Variants in ARSK observed in about 807,000 individuals in gnomAD.
ARSK encodes the protein arylsulfatase family member K.
ARSK carries 37 observed loss-of-function variants against 53.2 expected under a neutral mutation model. That is an observed-to-expected ratio of 0.70 (90% CI 0.54 to 0.92). The LOEUF is 0.92. Ranked by LOEUF, ARSK falls within the 40% of genes least tolerant of loss-of-function variation. ARSK has a pLI of 0.00. For synonymous variants in ARSK, 208 were observed against 223.2 expected (o/e 0.93, Z 0.61); for missense variants, 613 against 643.0 (o/e 0.95, Z 0.51).
chr5:95,565,846 T>C, intron 1 of ARSK, 152 bp from the exon 2 acceptor site: 1 of 692,310 alleles, frequency 1.4e-6, no homozygotes. Context: ...TACCAGATAC[T>C]GGAAACACCC....
chr5:95,600,951 C>G lies in ARSK; in HGVS notation c.1201C>G (p.Pro401Ala), dbSNP rs1470763874. 6.2e-7 allele frequency: 1 copy of G among 1,614,082 alleles called. No homozygotes were observed. Among genetic ancestry groups the G allele is most frequent in the Admixed American group, 1.7e-5 (1 of 60,010 alleles). The change falls in exon 7 of 8, where the codon CCC becomes GCC. Residue 401 changes from proline to alanine, a missense_variant. Physicochemically the swap from Pro to Ala is conservative, Grantham distance 27. Coordinates refer to ENST00000380009, the MANE Select transcript of ARSK (RefSeq NM_198150.3). The stretch of plus-strand genomic sequence containing the variant: ...ACATAAAGTCAAAAACCTGCATCCA[C>G]CCTGGATTCTGAGTGAATTCCATGG... ...NEHKVKNLHPPWILSEFHGCN... is the reference protein window; with the variant it reads ...NEHKVKNLHPAWILSEFHGCN...
intron 1 of ARSK, among the ~76,000 whole-genome samples, chr5:95,565,291 C>T (rs1228184715): frequency 1.3e-5 from 2 of 152,260 alleles, no homozygotes; most frequent in African/African-American, 4.8e-5. Context: ...CTGTGTTGCC[C>T]AGGCTGGTCT....
intron 4 of ARSK, among the ~76,000 whole-genome samples, chr5:95,586,006 T>A (rs1472387104): frequency 1.3e-5 from 2 of 152,192 alleles, no homozygotes; most frequent in African/African-American, 4.8e-5. Context: ...ACTAAGTAAA[T>A]GTTTGAACTT....
intron 1 of ARSK, among the ~76,000 whole-genome samples, chr5:95,558,360 A>C (rs766435669): frequency 3.3e-5 from 5 of 152,178 alleles, no homozygotes; most frequent in African/African-American, 7.2e-5. Context: ...TGGAGGAAAT[A>C]ATAAGGATTA....
intron 3 of ARSK, 49 bp downstream of exon 3, chr5:95,568,098 G>A (rs779857315): frequency 6.4e-5 from 100 of 1,552,398 alleles, no homozygotes; most frequent in Non-Finnish European, 7.7e-5. Flanking sequence ...CTGCCATAGC[G>A]TGTACATGTA....
At chr5:95,578,172 G>C (rs1464837595) in intron 3 of ARSK, among the ~76,000 whole-genome samples, 1 of 151,974 alleles carries the variant, frequency 6.6e-6, no homozygotes, top group Non-Finnish European at 1.5e-5. Context: ...TTTTTTAAGA[G>C]ATGAGGTCTC....
At chr5:95,588,429 G>T (rs1020277952) in intron 5 of ARSK, among the ~76,000 whole-genome samples, 3 of 151,602 alleles carry the variant, frequency 2.0e-5, no homozygotes, top group African/African-American at 7.3e-5. Flanking sequence ...TAGAGACGGG[G>T]TTTCACCATG....
chr5:95,592,690 A>G (rs1192531119), intron 6 of ARSK, among the ~76,000 whole-genome samples: 1 of 152,116 alleles, frequency 6.6e-6, no homozygotes, highest in African/African-American at 2.4e-5. Flanking sequence ...CTGGGATTAC[A>G]GGCGCCTGCC....
At chr5:95,600,601 A>G (rs1749384688) in intron 6 of ARSK, 2 of 642,552 alleles carry the variant, frequency 3.1e-6, no homozygotes, top group Non-Finnish European at 5.7e-6. Flanking sequence ...AAATACAAGT[A>G]CTGTGGTCAT....
At chr5:95,577,645 T>C (rs1362151192) in intron 3 of ARSK, among the ~76,000 whole-genome samples, 2 of 152,184 alleles carry the variant, frequency 1.3e-5, no homozygotes, top group Non-Finnish European at 2.9e-5. Context: ...TTGTAAATAT[T>C]AGTGCTTCCA....
At chr5:95,588,143 T>TG (rs1362018488) in intron 5 of ARSK, among the ~76,000 whole-genome samples, 2 of 152,080 alleles carry the variant, frequency 1.3e-5, no homozygotes, top group Non-Finnish European at 2.9e-5. Context: ...GTAGGGAGTG[T>TG]GGGAATACTA....
chr5:95,603,153 T>A (rs1749432803), intron 7 of ARSK, 84 bp from the exon 8 acceptor site: 4 of 1,079,150 alleles, frequency 3.7e-6, no homozygotes, highest in African/African-American at 1.6e-5. Flanking sequence ...AAAAAAAATC[T>A]AATACATTAC....
At chr5:95,558,922 C>T (rs1286877340) in intron 1 of ARSK, among the ~76,000 whole-genome samples, 2 of 152,156 alleles carry the variant, frequency 1.3e-5, no homozygotes, top group Admixed American at 6.5e-5. Flanking sequence ...GGGTGGATCA[C>T]CTGAGATCAG....
chr5:95,583,682 T>C (rs527994461), intron 4 of ARSK, among the ~76,000 whole-genome samples: 5 of 152,214 alleles, frequency 3.3e-5, no homozygotes, highest in East Asian at 1.9e-4. Context: ...ACTAGAAACA[T>C]TGAGAATTAA....
chr5:95,587,649 A>C (rs1238613000), intron 5 of ARSK, among the ~76,000 whole-genome samples: 2 of 152,194 alleles, frequency 1.3e-5, no homozygotes, highest in Non-Finnish European at 2.9e-5. Context: ...GCTCATGCCT[A>C]TAATCCCAGC....
chr5:95,577,946 T>C (rs1748953395), intron 3 of ARSK, among the ~76,000 whole-genome samples: 1 of 152,158 alleles, frequency 6.6e-6, no homozygotes, highest in African/African-American at 2.4e-5. Context: ...TTGTAATTAA[T>C]AAAAGTAATA....
intron 1 of ARSK, chr5:95,556,512 C>A: frequency 2.5e-6 from 1 of 403,890 alleles, no homozygotes. Flanking sequence ...TGGATGGCCA[C>A]TGGTTGTGGG....
rs758361175 is a variant in ARSK at position 95,582,993 on chromosome 5, G to A, written c.494G>A (p.Arg165His). ...QEGRPMVNLI[R>H]NRTKVRVMER... is the part of the protein sequence containing the mutation. ...GGCAGGCCCATGGTTAATCTTATCC[G>A]TAACAGGACTAAAGTCAGAGTGATG... Residue 165 changes from arginine to histidine, a missense_variant, in exon 4 of 8, where the codon CGT becomes CAT. Coordinates refer to ENST00000380009, the MANE Select transcript of ARSK (RefSeq NM_198150.3). The A allele has an allele frequency of 4.6e-5, 74 of 1,613,632 alleles. No individual in the cohort carries two copies. Among genetic ancestry groups the A allele is most frequent in the South Asian group, 1.1e-4 (10 of 91,062 alleles).
At chr5:95,572,125 CTAATT>C (rs762139672) in intron 3 of ARSK, among the ~76,000 whole-genome samples, 1 of 152,128 alleles carries the variant, frequency 6.6e-6, no homozygotes, top group Non-Finnish European at 1.5e-5. Context: ...TTTAGGAACA[CTAATT>C]TAATTAAGTG....
Sources: allele counts gnomAD v4.1 joint callset (sites outside exome capture counted in the v4.1 genomes callset), GRCh38; gene constraint gnomAD v4.1.1; transcripts MANE v1.5; gene names NCBI Gene and HGNC (gene_info 2026-07-23, HGNC 2026-07-21).